Variants in QTMAN observed in about 807,000 individuals in gnomAD.
QTMAN encodes queuosine-tRNA mannosyltransferase.
chr2:144,174,457 G>A, the QTMAN span, among the ~76,000 whole-genome samples: 12 of 151,940 alleles, frequency 7.9e-5, no homozygotes, highest in Non-Finnish European at 1.5e-4. Flanking sequence ...CATTTTTTTT[G>A]TCTGTTTCAG....
chr2:144,324,999 A>G, the QTMAN span, among the ~76,000 whole-genome samples: 3 of 152,216 alleles, frequency 2.0e-5, no homozygotes, highest in Admixed American at 2.0e-4. Context: ...CTAAAACTCT[A>G]ATCAATCCAT....
the QTMAN span, among the ~76,000 whole-genome samples, chr2:144,047,744 T>C: frequency 6.6e-6 from 1 of 152,244 alleles, no homozygotes; most frequent in Admixed American, 6.5e-5. Context: ...AGTACATTAC[T>C]ATTATGGTTA....
chr2:144,136,400 G>C, the QTMAN span, among the ~76,000 whole-genome samples: 1 of 122,546 alleles, frequency 8.2e-6, no homozygotes, highest in Non-Finnish European at 1.8e-5. Context: ...AAAGGAAAAG[G>C]AAAGGAAAGG....
the QTMAN span, among the ~76,000 whole-genome samples, chr2:144,175,599 CT>C: frequency 9.7e-4 from 147 of 152,146 alleles, 1 homozygote; most frequent in African/African-American, 3.4e-3. Context: ...TCCTTCCTTC[CT>C]TCCTTTCTAT....
the QTMAN span, among the ~76,000 whole-genome samples, chr2:144,171,929 T>C: frequency 2.6e-5 from 4 of 152,282 alleles, no homozygotes; most frequent in African/African-American, 7.2e-5. Flanking sequence ...ATCAGAAGTA[T>C]AGTTATTTTT....
chr2:144,172,909 C>T, the QTMAN span, among the ~76,000 whole-genome samples: 25 of 152,124 alleles, frequency 1.6e-4, no homozygotes, highest in South Asian at 3.7e-3. Context: ...ACCTAATGCT[C>T]CAAATGAAGC....
chr2:144,007,366 C>CAGT, the QTMAN span: 1 of 1,613,244 alleles, frequency 6.2e-7, no homozygotes, highest in Non-Finnish European at 8.5e-7. Context: ...TCTTGTCGTG[C>CAGT]AGTATCAAGG....
chr2:144,008,540 G>C, the QTMAN span, among the ~76,000 whole-genome samples: 1 of 152,052 alleles, frequency 6.6e-6, no homozygotes, highest in Non-Finnish European at 1.5e-5. Flanking sequence ...GTAAGGTCTA[G>C]AGGGGTAGAC....
the QTMAN span, among the ~76,000 whole-genome samples, chr2:144,313,752 C>T: frequency 2.7e-5 from 4 of 150,888 alleles, no homozygotes; most frequent in African/African-American, 7.3e-5. Flanking sequence ...TTCATATATA[C>T]TTAATCAATC....
the QTMAN span, among the ~76,000 whole-genome samples, chr2:143,948,535 C>T: frequency 6.6e-6 from 1 of 152,232 alleles, no homozygotes; most frequent in African/African-American, 2.4e-5. Flanking sequence ...TGGATAATGT[C>T]TACCTTACAC....
chr2:144,202,719 A>G, the QTMAN span, among the ~76,000 whole-genome samples: 19 of 152,312 alleles, frequency 1.2e-4, no homozygotes, highest in East Asian at 3.7e-3. Flanking sequence ...TTTAAAACAC[A>G]GTTGTCGAAC....
chr2:143,960,542 C>T, the QTMAN span, among the ~76,000 whole-genome samples: 1 of 152,072 alleles, frequency 6.6e-6, no homozygotes, highest in East Asian at 1.9e-4. Context: ...AGGTGAGATA[C>T]ATGGGCTCAT....
At chr2:144,176,213 A>G in the QTMAN span, among the ~76,000 whole-genome samples, 1 of 152,192 alleles carries the variant, frequency 6.6e-6, no homozygotes, top group Non-Finnish European at 1.5e-5. Context: ...ATTATTAATA[A>G]AACAATTTAT....
chr2:144,080,192 A>C, the QTMAN span, among the ~76,000 whole-genome samples: 1 of 152,264 alleles, frequency 6.6e-6, no homozygotes, highest in African/African-American at 2.4e-5. Context: ...CTTTAACAAT[A>C]ATCTCTAATT....
chr2:143,993,313 T>A, the QTMAN span, among the ~76,000 whole-genome samples: 4,460 of 151,996 alleles, frequency 0.029, 209 homozygotes, highest in African/African-American at 0.1. Flanking sequence ...TGATTGCACA[T>A]GGTGCTTGCA....
the QTMAN span, among the ~76,000 whole-genome samples, chr2:144,326,823 A>G: frequency 6.6e-6 from 1 of 152,178 alleles, no homozygotes; most frequent in Non-Finnish European, 1.5e-5. Context: ...TGGGGTACAC[A>G]TGATCTAGAT....
At chr2:144,276,740 G>A in the QTMAN span, among the ~76,000 whole-genome samples, 4 of 152,108 alleles carry the variant, frequency 2.6e-5, no homozygotes, top group African/African-American at 7.2e-5. Context: ...TCAAGAACTG[G>A]TTAAGTGGTA....
the QTMAN span, among the ~76,000 whole-genome samples, chr2:143,982,588 C>T: frequency 2.0e-5 from 3 of 149,604 alleles, no homozygotes; most frequent in Admixed American, 6.7e-5. Context: ...AGGCTGAGTG[C>T]GGTGGCTCAT....
chr2:144,093,734 T>C, the QTMAN span, among the ~76,000 whole-genome samples: 7 of 152,212 alleles, frequency 4.6e-5, no homozygotes, highest in Non-Finnish European at 8.8e-5. Flanking sequence ...GTTGTTATCA[T>C]GGATGAAGAA....
Sources: gnomAD v4.1 joint callset for allele counts (sites outside exome capture counted in the v4.1 genomes callset) on GRCh38, gnomAD v4.1.1 for gene constraint, MANE v1.5 for transcripts, NCBI Gene and HGNC (gene_info 2026-07-23, HGNC 2026-07-21) for gene names.